SLMAP: variants seen among roughly 807,000 people sequenced by gnomAD.
SLMAP encodes sarcolemmal membrane-associated protein.
In SLMAP, 44 loss-of-function variants were observed where a neutral mutation model predicts 128.8. The observed-to-expected ratio is 0.34, with a 90% CI of 0.27 to 0.44. The LOEUF is 0.44. Ranked by LOEUF, SLMAP falls within the 20% of genes least tolerant of loss-of-function variation. The pLI is 1.00. For synonymous variants in SLMAP, 327 were observed against 348.8 expected (o/e 0.94, Z 0.70); for missense variants, 787 against 985.3 (o/e 0.80, Z 2.69).
At chr3:57,786,575 A>G (rs2084170961) in intron 2 of SLMAP, among the ~76,000 whole-genome samples, 1 of 145,752 alleles carries the variant, frequency 6.9e-6, no homozygotes, top group Non-Finnish European at 1.5e-5. Context: ...TTTTTTTTTA[A>G]AGACAGAGTC....
chr3:57,875,525 A>G (rs139163161), intron 14 of SLMAP, among the ~76,000 whole-genome samples: 30 of 152,328 alleles, frequency 2.0e-4, no homozygotes, highest in African/African-American at 7.0e-4. Context: ...GAAAACAAAA[A>G]CAACAACAAA....
chr3:57,772,845 G>C (rs907484797), intron 2 of SLMAP, among the ~76,000 whole-genome samples: 1 of 152,134 alleles, frequency 6.6e-6, no homozygotes, highest in East Asian at 1.9e-4. Context: ...TCTCCATGTT[G>C]GTCAGGCTGG....
chr3:57,890,281 C>T (rs189314228), intron 15 of SLMAP, 181 bp downstream of exon 15: 36 of 504,052 alleles, frequency 7.1e-5, no homozygotes, highest in Admixed American at 2.8e-4. Flanking sequence ...AGAAGGGTAT[C>T]GTAACTGGAA....
At chr3:57,879,668 C>T (rs188285729) in intron 14 of SLMAP, among the ~76,000 whole-genome samples, 43 of 152,190 alleles carry the variant, frequency 2.8e-4, no homozygotes, top group Non-Finnish European at 4.0e-4. Context: ...ATAGGCCAGG[C>T]GCAGTGGCTC....
intron 21 of SLMAP, among the ~76,000 whole-genome samples, chr3:57,914,215 G>A (rs1190935520): frequency 6.6e-6 from 1 of 151,994 alleles, no homozygotes; most frequent in Non-Finnish European, 1.5e-5. Flanking sequence ...TTCCGGCCGG[G>A]TGTGGACATT....
chr3:57,834,599 A>G (rs1428951395), intron 3 of SLMAP, among the ~76,000 whole-genome samples: 1 of 152,162 alleles, frequency 6.6e-6, no homozygotes, highest in African/African-American at 2.4e-5. Context: ...AAGATTCACC[A>G]TTGAAAAGAC....
intron 2 of SLMAP, among the ~76,000 whole-genome samples, chr3:57,828,009 C>T (rs1402889175): frequency 6.6e-6 from 1 of 152,202 alleles, no homozygotes; most frequent in Non-Finnish European, 1.5e-5. Context: ...TGTGCAGTGG[C>T]ACGATCTTAG....
chr3:57,910,305 T>C (rs1425932160), intron 19 of SLMAP, among the ~76,000 whole-genome samples: 1 of 152,134 alleles, frequency 6.6e-6, no homozygotes, highest in Non-Finnish European at 1.5e-5. Context: ...TTCTGGAGCC[T>C]CCCAAGTAGC....
chr3:57,889,051 A>AT (rs1247858949), intron 14 of SLMAP, among the ~76,000 whole-genome samples: 1 of 151,972 alleles, frequency 6.6e-6, no homozygotes, highest in Non-Finnish European at 1.5e-5. Context: ...TGCCCAGCTA[A>AT]TTTTTTGTGT....
intron 2 of SLMAP, among the ~76,000 whole-genome samples, chr3:57,771,281 A>G (rs367814658): frequency 2.4e-4 from 36 of 151,840 alleles, no homozygotes; most frequent in South Asian, 6.2e-4. Flanking sequence ...CTGGAGTGCA[A>G]TGGTGGATCA....
chr3:57,788,408 G>A (rs573092792), intron 2 of SLMAP, among the ~76,000 whole-genome samples: 3 of 152,212 alleles, frequency 2.0e-5, no homozygotes, highest in East Asian at 1.9e-4. Context: ...GAGTGATTCA[G>A]TAAAGAGGAC....
At chr3:57,905,006 G>A (rs569139933) in intron 17 of SLMAP, among the ~76,000 whole-genome samples, 1 of 152,262 alleles carries the variant, frequency 6.6e-6, no homozygotes, top group African/African-American at 2.4e-5. Context: ...GGTCAATTAA[G>A]GCTGCAGTGA....
In SLMAP at chr3:57,835,295, A is replaced by T. The variant is rs558756728; in HGVS notation, c.346+3765A>T. On this transcript the variant is annotated intron_variant, in intron 3 of 24. Coordinates refer to ENST00000671191, the MANE Select transcript of SLMAP (RefSeq NM_001377540.1). ...CTCTACCCGCTCCCCTGGCCCCCAA[A>T]TTTTTTTTAATTAGCTGTGGGCCTG... Among the ~76,000 whole-genome samples the T allele has an allele frequency of 1.6e-3, 249 of 151,736 alleles. 1 individual carries two copies. Among genetic ancestry groups the T allele is most frequent in the Admixed American group, 5.6e-3 (86 of 15,222 alleles).
At chr3:57,840,032 T>G (rs895441085) in intron 3 of SLMAP, among the ~76,000 whole-genome samples, 1 of 148,956 alleles carries the variant, frequency 6.7e-6, no homozygotes, top group Non-Finnish European at 1.5e-5. Flanking sequence ...TGTTGGCCAG[T>G]CTGGTCTCAA....
rs377339186 is a variant in SLMAP, at chr3:57,893,622, C to G, written c.1361-2889C>G. On this transcript the variant is annotated intron_variant, in intron 15 of 24. Transcript: ENST00000671191. ...TTTTGCAAATATACTTCCTATTTAC[C>G]TAATATTTTAATCCTAAAATTGCCA... 1.4e-4 allele frequency among the ~76,000 whole-genome samples: 22 copies of G among 152,204 alleles called. No homozygotes were observed. In the South Asian group the frequency reaches 4.4e-3, roughly 30 times the overall value.
intron 2 of SLMAP, among the ~76,000 whole-genome samples, chr3:57,763,073 A>C (rs2079010386): frequency 6.6e-6 from 1 of 151,832 alleles, no homozygotes; most frequent in Non-Finnish European, 1.5e-5. Context: ...CTGAGCAAGC[A>C]GATCTACCCA....
At chr3:57,854,163 C>T (rs188139666) in intron 6 of SLMAP, among the ~76,000 whole-genome samples, 1 of 147,996 alleles carries the variant, frequency 6.8e-6, no homozygotes, top group African/African-American at 2.5e-5. Flanking sequence ...ATTATAAGTC[C>T]CTTAATTACA....
chr3:57,829,301 T>C (rs2093168649), intron 2 of SLMAP, among the ~76,000 whole-genome samples: 1 of 152,150 alleles, frequency 6.6e-6, no homozygotes, highest in African/African-American at 2.4e-5. Flanking sequence ...TAAAAAATGC[T>C]AGTTGCAACT....
intron 2 of SLMAP, among the ~76,000 whole-genome samples, chr3:57,810,243 T>C (rs998768873): frequency 2.6e-5 from 4 of 152,204 alleles, no homozygotes; most frequent in Admixed American, 2.6e-4. Context: ...GCAGCATGCC[T>C]GTGCACAGTG....
Sources: allele counts gnomAD v4.1 joint callset (sites outside exome capture counted in the v4.1 genomes callset), GRCh38; gene constraint gnomAD v4.1.1; transcripts MANE v1.5; gene names NCBI Gene and HGNC (gene_info 2026-07-23, HGNC 2026-07-21).